GART: variants seen among roughly 807,000 people sequenced by gnomAD.
GART encodes phosphoribosylglycinamide formyltransferase, phosphoribosylglycinamide synthetase, phosphoribosylaminoimidazole synthetase, also known as trifunctional purine biosynthetic protein adenosine-3.
GART carries 43 observed loss-of-function variants against 107.2 expected under a neutral mutation model. The ratio of observed to expected loss-of-function variants is 0.40; its 90% CI spans 0.31 to 0.52. The LOEUF (loss-of-function observed/expected upper bound fraction) is 0.52. Ranked by LOEUF, GART falls within the 20% of genes least tolerant of loss-of-function variation. The probability of loss-of-function intolerance (pLI) is 0.52; values close to 1 mark genes in which losing one functional copy is unlikely to be tolerated. For synonymous variants in GART, 434 were observed against 427.0 expected (o/e 1.02, Z -0.20); for missense variants, 1,107 against 1,206.5 (o/e 0.92, Z 1.22).
intron 1 of GART, among the ~76,000 whole-genome samples, chr21:33,540,156 G>GAA (rs918120907): frequency 2.0e-5 from 3 of 152,160 alleles, no homozygotes; most frequent in African/African-American, 7.2e-5. Context: ...ACCTTAGCAG[G>GAA]AAAGCAACCA....
At chr21:33,523,972 A>G in intron 11 of GART, 1 of 900,828 alleles carries the variant, frequency 1.1e-6, no homozygotes, top group African/African-American at 1.8e-5. Flanking sequence ...TGTCTCAAAA[A>G]AAAAAAAAAA....
At chr21:33,533,556 T>G (rs901641858) in intron 4 of GART, among the ~76,000 whole-genome samples, 1 of 152,066 alleles carries the variant, frequency 6.6e-6, no homozygotes, top group African/African-American at 2.4e-5. Context: ...GGTTAATTAT[T>G]TATGACAAAA....
chr21:33,506,053 G>C lies in GART; in HGVS notation c.2504C>G (p.Ala835Gly). The change falls in exon 19 of 22, where the codon GCA becomes GGA. Residue 835 changes from alanine (A) to glycine (G), a missense_variant. Ala to Gly is a moderately conservative substitution (Grantham distance 60). Transcript: ENST00000381815. ...GTTGGAGATAACAATATCAATTTGT[G>C]CAGAGCTATTTGGTTCCCGAGTACT... ...IDSTREPNSSAQIDIVISNKA... is the reference protein window; with the variant it reads ...IDSTREPNSSGQIDIVISNKA... 4 of 1,614,144 alleles carry C rather than the reference G, an allele frequency of 2.5e-6. No homozygotes were observed. Among genetic ancestry groups the C allele is most frequent in the Non-Finnish European group, 3.4e-6 (4 of 1,180,016 alleles).
chr21:33,525,259 T>TGGC (rs1264558526), intron 10 of GART, among the ~76,000 whole-genome samples: 1 of 152,000 alleles, frequency 6.6e-6, no homozygotes, highest in African/African-American at 2.4e-5. Flanking sequence ...TAGCCAAGTG[T>TGGC]GGCGGCACAC....
At chr21:33,528,460 T>C (rs1463491122) in intron 9 of GART, 59 bp downstream of exon 9, 1 of 1,547,034 alleles carries the variant, frequency 6.5e-7, no homozygotes, top group African/African-American at 1.4e-5. Flanking sequence ...GGCTGATAAA[T>C]TCCAAGATTA....
rs1380528831 is a variant in GART at position 33,528,304 on chromosome 21, T to C, written c.929A>G (p.Tyr310Cys). The C allele has an allele frequency of 5.6e-6, 9 of 1,614,132 alleles. No individual in the cohort carries two copies. Among genetic ancestry groups the C allele is most frequent in the East Asian group, 2.2e-5 (1 of 44,876 alleles). The change falls in exon 10 of 22, where the codon TAT becomes TGT. Residue 310 changes from tyrosine (Y) to cysteine (C), a missense_variant. Transcript: ENST00000381815. ...VILPLLKSDL[Y>C]EVIQSTLDGL... ...ATCTAAGGTGGACTGAATCACTTCA[T>C]AAAGATCACTTTTAAGAAGTGGGAG...
chr21:33,517,173 G>A (rs749647257), intron 15 of GART, 32 bp from the exon 16 acceptor site: 1 of 1,582,022 alleles, frequency 6.3e-7, no homozygotes, highest in African/African-American at 1.4e-5. Flanking sequence ...CAAAAACTTA[G>A]CCTATGAATA....
At chr21:33,537,184 G>C (rs2085322701) in intron 2 of GART, among the ~76,000 whole-genome samples, 1 of 152,328 alleles carries the variant, frequency 6.6e-6, no homozygotes, top group South Asian at 2.1e-4. Flanking sequence ...GATCTTAAGA[G>C]ATTTTGATGG....
chr21:33,528,849 C>CCTGT lies in GART; in HGVS notation c.808_811dup (p.Gly271AspfsTer21). The CCTGT allele has an allele frequency of 6.2e-7, 1 of 1,605,700 alleles. No homozygotes were observed. The highest frequency in any genetic ancestry group is 8.5e-7 in the Non-Finnish European group (1 of 1,173,214). On this transcript the variant is annotated frameshift_variant and splice_region_variant. Transcript: ENST00000381815. LOFTEE classifies it high-confidence loss of function. ...TTCCATAGTAATGTGGGTGGGCCTA[C>CCTGT]CTGTATATGGAGTACCCTCTTGCTG... is the stretch of plus-strand genomic sequence containing the variant.
chr21:33,541,031 A>G (rs1021923756), intron 1 of GART, among the ~76,000 whole-genome samples: 1 of 152,104 alleles, frequency 6.6e-6, no homozygotes, highest in Non-Finnish European at 1.5e-5. Flanking sequence ...AATTTGAGAA[A>G]GGAAAAAAAA....
At chr21:33,530,677 A>G (rs1330683094) in intron 7 of GART, 82 bp downstream of exon 7, 9 of 1,278,518 alleles carry the variant, frequency 7.0e-6, no homozygotes, top group Non-Finnish European at 9.1e-6. Context: ...ACAGAAAACA[A>G]AACAAAATAG....
In GART at chr21:33,537,437, C is replaced by T. The variant is rs562468679; in HGVS notation, c.145+1734G>A. Among the ~76,000 whole-genome samples the T allele has an allele frequency of 4.6e-5, 7 of 152,298 alleles. No individual in the cohort carries two copies. In the East Asian group the frequency reaches 9.6e-4, roughly 21 times the overall value. On this transcript the variant is annotated intron_variant, in intron 2 of 21. Transcript: ENST00000381815. ...ACTGTGCACACCATGCAAAACAAGACAGACAAGTTCCTTGCCCTCATGGAG... is the reference window on the plus strand; with the variant it reads ...ACTGTGCACACCATGCAAAACAAGATAGACAAGTTCCTTGCCCTCATGGAG...
chr21:33,519,120 T>C (rs1310517399), intron 14 of GART: 1 of 283,256 alleles, frequency 3.5e-6, no homozygotes, highest in Admixed American at 4.4e-5. Flanking sequence ...GTTGTTTCTT[T>C]CATCTTGTCA....
At chr21:33,528,466 G>C in intron 9 of GART, 53 bp downstream of exon 9, 1 of 1,548,738 alleles carries the variant, frequency 6.5e-7, no homozygotes, top group Non-Finnish European at 8.8e-7. Context: ...TAAATTCCAA[G>C]ATTAAAATAC....
At position 33,536,741 on chromosome 21, in the gene GART, A is replaced by G. The variant is rs139891822; in HGVS notation, c.146-1421T>C. On this transcript the variant is annotated intron_variant, in intron 2 of 21. Transcript: ENST00000381815. ...ATGCACTGAGATAATATGATAGTCA[A>G]TCTGATAACCAACAGGGCTAGTAAG... Among the ~76,000 whole-genome samples, 37 of 152,364 alleles carry G rather than the reference A, an allele frequency of 2.4e-4. No individual in the cohort carries two copies. The East Asian group carries it at 6.5e-3, about 27-fold the overall frequency.
intron 18 of GART, among the ~76,000 whole-genome samples, chr21:33,507,855 A>C (rs940597877): frequency 6.8e-6 from 1 of 146,604 alleles, no homozygotes; most frequent in African/African-American, 2.7e-5. Context: ...AAAACAAAAC[A>C]AAAAAAAACT....
Position 33,506,029 on chromosome 21 carries a change from T to C in GART, c.2528A>G (p.Asn843Ser), listed in dbSNP as rs1367663636. Residue 843 changes from asparagine to serine, a missense_variant, in exon 19 of 22, where the codon AAC (asparagine) becomes AGC (serine). Physicochemically the swap from Asn to Ser is conservative, Grantham distance 46 (BLOSUM62 1). Coordinates refer to ENST00000381815, the MANE Select transcript of GART (RefSeq NM_000819.5). ...SSAQIDIVIS[N>S]KAAVAGLDKA... ...ATCTAACCCAGCTACTGCGGCTTTG[T>C]TGGAGATAACAATATCAATTTGTGC... 2 of 1,614,204 alleles carry C rather than the reference T, an allele frequency of 1.2e-6. No homozygotes were observed. The highest frequency in any genetic ancestry group is 1.1e-5 in the South Asian group (1 of 91,086).
At chr21:33,514,222 C>T (rs748886913) in intron 16 of GART, among the ~76,000 whole-genome samples, 3 of 152,054 alleles carry the variant, frequency 2.0e-5, no homozygotes, top group Admixed American at 6.6e-5. Flanking sequence ...GAGCTGTGAT[C>T]GCACCACGGA....
In GART at chr21:33,509,002, T is replaced by G. The variant is rs75188951; in HGVS notation, c.2452+781A>C. The stretch of plus-strand genomic sequence containing the variant: ...ATGGCTGCATCTTACAATAGCTTCT[T>G]TGCTTTATTATCAACTTGGGCCTAA... On this transcript the variant is annotated intron_variant, in intron 18 of 21. Transcript: ENST00000381815. Among the ~76,000 whole-genome samples, 32 of 152,334 alleles carry G rather than the reference T, an allele frequency of 2.1e-4. 1 individual carries two copies. In the East Asian group the frequency reaches 5.8e-3, roughly 28 times the overall value.
Sources: gnomAD v4.1 joint callset for allele counts (sites outside exome capture counted in the v4.1 genomes callset) on GRCh38, gnomAD v4.1.1 for gene constraint, MANE v1.5 for transcripts, NCBI Gene and HGNC (gene_info 2026-07-23, HGNC 2026-07-21) for gene names.